The following SPAG16 variants were observed in gnomAD, a reference collection of about 807,000 sequenced individuals.
SPAG16 encodes the protein sperm-associated antigen 16 protein.
In SPAG16, 86 loss-of-function variants were observed where a neutral mutation model predicts 80.4. That is an observed-to-expected ratio of 1.07 (90% confidence interval 0.90 to 1.28). The LOEUF is 1.28. Among genes scored for constraint, SPAG16 ranks in the 50% most tolerant of loss-of-function variants. SPAG16 has a pLI of 0.00. For missense variants in SPAG16, 870 were observed against 765.3 expected (o/e 1.14, Z -1.61); for synonymous variants, 294 against 265.9 (o/e 1.11, Z -1.03).
intron 9 of SPAG16, among the ~76,000 whole-genome samples, chr2:213,477,369 C>T (rs990888680): frequency 3.3e-5 from 5 of 152,186 alleles, no homozygotes; most frequent in African/African-American, 9.7e-5. Context: ...GATCCACTGA[C>T]AGCTTGCACC....
At chr2:214,301,072 T>A (rs1694518212) in intron 15 of SPAG16, among the ~76,000 whole-genome samples, 1 of 146,058 alleles carries the variant, frequency 6.8e-6, no homozygotes, top group African/African-American at 2.5e-5. Flanking sequence ...ATAATAAAAG[T>A]TAGCAAGCTA....
At position 213,808,786 on chromosome 2, in the gene SPAG16, A is replaced by G. The variant is rs77749426; in HGVS notation, c.1071-53699A>G. 9.0e-3 allele frequency among the ~76,000 whole-genome samples: 1,368 copies of G among 152,264 alleles called. 25 individuals are homozygous for G. Among genetic ancestry groups the G allele is most frequent in the African/African-American group, 0.03 (1,242 of 41,550 alleles). ...GATAAGGAGAGTTAAAGAAGCAGAG[A>G]TAGAAGAGTAAAGATACAGAAAAGT... On this transcript the variant is annotated intron_variant, in intron 10 of 15. Coordinates refer to ENST00000331683, the MANE Select transcript of SPAG16 (RefSeq NM_024532.5).
intron 9 of SPAG16, among the ~76,000 whole-genome samples, chr2:213,431,803 T>C (rs367777201): frequency 5.9e-4 from 90 of 152,188 alleles, no homozygotes; most frequent in African/African-American, 2.0e-3. Flanking sequence ...TATACATTTT[T>C]CTCATCAGCG....
chr2:213,597,229 A>T (rs2060913700), intron 10 of SPAG16, among the ~76,000 whole-genome samples: 1 of 152,170 alleles, frequency 6.6e-6, no homozygotes, highest in Non-Finnish European at 1.5e-5. Context: ...TTGGTAATTC[A>T]ACACATATTT....
chr2:214,168,621 A>G (rs968607134), intron 15 of SPAG16, among the ~76,000 whole-genome samples: 1 of 152,068 alleles, frequency 6.6e-6, no homozygotes, highest in African/African-American at 2.4e-5. Context: ...GGCCTCTGAG[A>G]AAAAGCAACT....
chr2:213,297,151 A>G (rs755109329), intron 2 of SPAG16, 111 bp from the exon 3 acceptor site: 14 of 1,480,588 alleles, frequency 9.5e-6, no homozygotes, highest in African/African-American at 1.4e-5. Flanking sequence ...TATTTTACAT[A>G]AAGTATTTCT....
chr2:214,049,933 G>C (rs886961631), intron 13 of SPAG16, among the ~76,000 whole-genome samples: 2 of 152,204 alleles, frequency 1.3e-5, no homozygotes, highest in Admixed American at 6.5e-5. Context: ...TTCTGAAACA[G>C]AGTTTCTGGA....
At chr2:213,673,065 G>A (rs1318968192) in intron 10 of SPAG16, among the ~76,000 whole-genome samples, 3 of 151,984 alleles carry the variant, frequency 2.0e-5, no homozygotes, top group Non-Finnish European at 2.9e-5. Flanking sequence ...AATAATGTGC[G>A]TGTGGATATT....
chr2:213,532,981 G>A (rs71426339), intron 10 of SPAG16, among the ~76,000 whole-genome samples: 55 of 151,992 alleles, frequency 3.6e-4, no homozygotes, highest in South Asian at 1.2e-3. Context: ...ATTATCAAAG[G>A]AATACAGCCA....
intron 10 of SPAG16, among the ~76,000 whole-genome samples, chr2:213,790,497 TTC>T (rs1333836069): frequency 6.6e-6 from 1 of 151,908 alleles, no homozygotes; most frequent in Non-Finnish European, 1.5e-5. Context: ...TGGATTATTT[TTC>T]TTTTTTTTGT....
intron 15 of SPAG16, among the ~76,000 whole-genome samples, chr2:214,256,388 T>A (rs752314621): frequency 1.3e-5 from 2 of 151,938 alleles, no homozygotes; most frequent in Admixed American, 1.3e-4. Context: ...TTTTTTCTAG[T>A]TTGTGGCTTG....
intron 15 of SPAG16, among the ~76,000 whole-genome samples, chr2:214,298,099 CAT>C (rs1364081382): frequency 2.4e-4 from 25 of 105,414 alleles, no homozygotes; most frequent in Non-Finnish European, 2.8e-4. Flanking sequence ...TATATGTATG[CAT>C]ATATATATAT....
chr2:213,997,442 T>C (rs1246463593), intron 12 of SPAG16, among the ~76,000 whole-genome samples: 1 of 152,204 alleles, frequency 6.6e-6, no homozygotes, highest in African/African-American at 2.4e-5. Flanking sequence ...TCTTATTTTA[T>C]CATTTTGTAT....
chr2:213,438,881 T>G (rs2070784170), intron 9 of SPAG16, among the ~76,000 whole-genome samples: 1 of 152,218 alleles, frequency 6.6e-6, no homozygotes, highest in East Asian at 1.9e-4. Context: ...TAATGGCCTG[T>G]AAGAAGGTAA....
intron 15 of SPAG16, among the ~76,000 whole-genome samples, chr2:214,314,247 T>G (rs1294998256): frequency 2.0e-5 from 3 of 152,192 alleles, no homozygotes; most frequent in Admixed American, 1.3e-4. Flanking sequence ...CTTAACATAT[T>G]TTTTCATAAG....
At chr2:213,740,905 C>T (rs933775631) in intron 10 of SPAG16, among the ~76,000 whole-genome samples, 9 of 152,182 alleles carry the variant, frequency 5.9e-5, no homozygotes, top group African/African-American at 2.2e-4. Flanking sequence ...CAATAGAAAC[C>T]ACTTTCAAAC....
chr2:213,761,227 G>A (rs753062316), intron 10 of SPAG16, among the ~76,000 whole-genome samples: 1 of 152,184 alleles, frequency 6.6e-6, no homozygotes, highest in Non-Finnish European at 1.5e-5. Flanking sequence ...ACTTGGAGAT[G>A]AAGGAAAATG....
chr2:213,852,433 T>C (rs2074954715), intron 10 of SPAG16, among the ~76,000 whole-genome samples: 2 of 152,222 alleles, frequency 1.3e-5, no homozygotes, highest in African/African-American at 4.8e-5. Flanking sequence ...CTAAAAGCCC[T>C]ATATGACTTT....
chr2:213,841,056 A>G (rs939831056), intron 10 of SPAG16, among the ~76,000 whole-genome samples: 1 of 152,218 alleles, frequency 6.6e-6, no homozygotes, highest in African/African-American at 2.4e-5. Flanking sequence ...TTATTTAGGC[A>G]TATAGCATTT....
Sources: allele counts gnomAD v4.1 joint callset (sites outside exome capture counted in the v4.1 genomes callset), GRCh38; gene constraint gnomAD v4.1.1; transcripts MANE v1.5; gene names NCBI Gene and HGNC (gene_info 2026-07-23, HGNC 2026-07-21).